Variants in SIM2 observed in about 807,000 individuals in gnomAD.
SIM2 encodes the protein single-minded homolog 2.
In SIM2, 28 loss-of-function variants were observed where a neutral mutation model predicts 64.8. That is an observed-to-expected ratio of 0.43 (90% confidence interval 0.32 to 0.59). The LOEUF (loss-of-function observed/expected upper bound fraction) is 0.59, where lower values mean the gene tolerates loss of function less well. SIM2 is among the 20% of genes least tolerant of loss of function. The pLI is 0.07. For synonymous variants in SIM2, 408 were observed against 391.1 expected (o/e 1.04, Z -0.51); for missense variants, 847 against 871.4 (o/e 0.97, Z 0.35).
rs1371676845 is a variant in SIM2, at chr21:36,726,544, T to C, written c.743+226T>C. ...TTATTGATTTACTTATTTTATTTAC[T>C]TATTGATTACTTATTTTATTTACTT... On this transcript the variant is annotated intron_variant, in intron 6 of 10. Coordinates refer to ENST00000290399, the MANE Select transcript of SIM2 (RefSeq NM_005069.6). This position sits in a 1 kb window ranked among gnomAD's most constrained non-coding sequence, Gnocchi z 4.5. Among the ~76,000 whole-genome samples the C allele has an allele frequency of 1.3e-5, 2 of 152,248 alleles. No individual in the cohort carries two copies. The highest frequency in any genetic ancestry group is 4.8e-5 in the African/African-American group (2 of 41,468).
chr21:36,702,736 C>A (rs1195855348), intron 1 of SIM2, among the ~76,000 whole-genome samples: 1 of 152,042 alleles, frequency 6.6e-6, no homozygotes, highest in African/African-American at 2.4e-5. Flanking sequence ...TCTGTCTGAG[C>A]TGCCAGGGTC....
intron 1 of SIM2, among the ~76,000 whole-genome samples, chr21:36,702,027 G>T (rs899647679): frequency 6.6e-6 from 1 of 152,226 alleles, no homozygotes; most frequent in African/African-American, 2.4e-5. Context: ...CGGCTGCTCA[G>T]AAGCTGTTCG....
At chr21:36,718,477 G>T (rs1203872826) in intron 3 of SIM2, among the ~76,000 whole-genome samples, 1 of 152,162 alleles carries the variant, frequency 6.6e-6, no homozygotes, top group Non-Finnish European at 1.5e-5. Flanking sequence ...TAACAAGGGG[G>T]TGGCTCGGGA....
At position 36,743,478 on chromosome 21, in the gene SIM2, C is replaced by A; in HGVS notation, c.1090C>A (p.Gln364Lys). ...DSWRTALSTS[Q>K]ETRKLVKPKN... is the part of the protein sequence containing the mutation. ...CTGGAGGACCGCCTTGTCTACCTCA[C>A]AAGAAACTAGGAAATTAGTGAAACC... The change falls in exon 9 of 11, where the codon CAA becomes AAA. Residue 364 changes from glutamine (Q) to lysine (K), a missense_variant. Gln to Lys is a moderately conservative substitution (Grantham distance 53, BLOSUM62 1). Transcript: ENST00000290399. 1 of 1,614,094 alleles carries A rather than the reference C, an allele frequency of 6.2e-7. No homozygotes were observed. Among genetic ancestry groups the A allele is most frequent in the Non-Finnish European group, 8.5e-7 (1 of 1,179,984 alleles).
intron 2 of SIM2, chr21:36,709,796 T>G (rs926378615): frequency 3.4e-5 from 8 of 233,860 alleles, no homozygotes; most frequent in African/African-American, 1.4e-4. Context: ...TAGAGTGGAT[T>G]CTGGTTTTTC....
In SIM2 at chr21:36,741,838, C is replaced by T. The variant is rs2089165301; in HGVS notation, c.972C>T (p.Cys324=). Residue 324 remains cysteine, a synonymous_variant, in exon 8 of 11, where the codon TGC becomes TGT. Transcript: ENST00000290399. ...VHNSRSSRPH[C]IVSVNYVLTE... ...ACAGCCGCTCGTCCCGGCCCCACTG[C>T]ATCGTGAGTGTCAATTATGTACTCA... 6.2e-7 allele frequency: 1 copy of T among 1,602,512 alleles called. No individual in the cohort carries two copies. The highest frequency in any genetic ancestry group is 8.5e-7 in the Non-Finnish European group (1 of 1,174,824).
In SIM2 at chr21:36,699,671, C is replaced by T; in HGVS notation, c.-76C>T. 1 of 1,525,474 alleles carries T rather than the reference C, an allele frequency of 6.6e-7. No homozygotes were observed. The allele number at this position is 1,525,474 out of a possible 1,614,324, so 94.5% of individuals were successfully genotyped here. On this transcript the variant is annotated 5_prime_UTR_variant, in exon 1 of 11. Transcript: ENST00000290399. The surrounding 1 kb of genome is among the most constrained non-coding windows in gnomAD (Gnocchi z 5.6). ...GGCTCCCGGCTCCCCCTTCCCCATC[C>T]CCGCCGCCGCAGCCCGAGCGGGGCT...
Position 36,724,125 on chromosome 21 carries a change from TC to T in SIM2, c.543+999del, listed in dbSNP as rs750009548. On this transcript the variant is annotated intron_variant, in intron 5 of 10. Coordinates refer to ENST00000290399, the MANE Select transcript of SIM2 (RefSeq NM_005069.6). ...TCTTTCTGGAAGGCCCCGCCCCAGC[TC>T]CCCTCTTTGACCCCACTCTGAGCTC... 4.1e-4 allele frequency among the ~76,000 whole-genome samples: 62 copies of T among 152,332 alleles called. 1 individual carries two copies. Among genetic ancestry groups the T allele is most frequent in the Non-Finnish European group, 7.1e-4 (48 of 68,032 alleles).
At chr21:36,735,823 C>T (rs1446851006) in intron 7 of SIM2, among the ~76,000 whole-genome samples, 2 of 152,078 alleles carry the variant, frequency 1.3e-5, no homozygotes, top group East Asian at 3.9e-4. Flanking sequence ...TTGGGGAGGA[C>T]AGGGGAGAAG....
chr21:36,719,963 T>A, intron 4 of SIM2, 34 bp downstream of exon 4: 1 of 1,374,190 alleles, frequency 7.3e-7, no homozygotes, highest in Non-Finnish European at 1.0e-6. Context: ...AAAAACAGAC[T>A]AAAAGCAAGG....
chr21:36,701,943 A>G (rs1157756227), intron 1 of SIM2, among the ~76,000 whole-genome samples: 1 of 152,170 alleles, frequency 6.6e-6, no homozygotes, highest in African/African-American at 2.4e-5. Context: ...CGAAGCAGCA[A>G]TCCAAAGATC....
intron 5 of SIM2, among the ~76,000 whole-genome samples, chr21:36,724,571 G>A (rs974169264): frequency 2.0e-5 from 3 of 152,198 alleles, no homozygotes; most frequent in African/African-American, 7.2e-5. Context: ...GAGCCACCGC[G>A]CCTGGATGGG....
intron 1 of SIM2, among the ~76,000 whole-genome samples, chr21:36,706,906 G>C (rs987713503): frequency 1.3e-5 from 2 of 152,252 alleles, no homozygotes; most frequent in Admixed American, 6.5e-5. Context: ...AACTGTGCGG[G>C]TATTTGAATC....
Position 36,699,839 on chromosome 21 carries a change from G to A in SIM2, c.93G>A (p.Ser31=), listed in dbSNP as rs749781705. ...YELAKLLPLP[S]AITSQLDKAS... ...TTGCCAAGCTGCTCCCGCTGCCGTCGGCCATCACTTCGCAGCTGGACAAAG... is the reference window on the plus strand; with the variant it reads ...TTGCCAAGCTGCTCCCGCTGCCGTCAGCCATCACTTCGCAGCTGGACAAAG... Residue 31 remains serine (S), a synonymous_variant, in exon 1 of 11, where the codon TCG becomes TCA. Coordinates refer to ENST00000290399, the MANE Select transcript of SIM2 (RefSeq NM_005069.6). The surrounding 1 kb of genome is among the most constrained non-coding windows in gnomAD (Gnocchi z 5.6). 10 of 1,610,976 alleles carry A rather than the reference G, an allele frequency of 6.2e-6. No individual in the cohort carries two copies. Among genetic ancestry groups the A allele is most frequent in the African/African-American group, 1.3e-5 (1 of 74,920 alleles).
chr21:36,718,684 C>A (rs2088778011), intron 3 of SIM2, among the ~76,000 whole-genome samples: 1 of 152,138 alleles, frequency 6.6e-6, no homozygotes. Context: ...TGCCCCTGGG[C>A]CTCCCCTGAA....
At position 36,716,850 on chromosome 21, in the gene SIM2, G is replaced by A. The variant is rs531953394; in HGVS notation, c.349-2971G>A. Among the ~76,000 whole-genome samples, 9 of 141,812 alleles carry A rather than the reference G, an allele frequency of 6.3e-5. No homozygotes were observed. The South Asian group carries it at 6.9e-4, about 11-fold the overall frequency. 93.0% of individuals were successfully genotyped at this position (141,812 alleles called of 152,430 possible). A position where few individuals can be genotyped will look rare whatever the true frequency, so the allele number is the denominator to read the frequency against. ...CATGAGACCCAGGGAGTTTTATAGC[G>A]ACAACCATAATTTTTTTTTTTTTTG... On this transcript the variant is annotated intron_variant, in intron 3 of 10. Transcript: ENST00000290399.
chr21:36,719,946 G>GAA lies in SIM2; in HGVS notation c.457+27_457+28dup, dbSNP rs145363163. On this transcript the variant is annotated intron_variant, in intron 4 of 10. Coordinates refer to ENST00000290399, the MANE Select transcript of SIM2 (RefSeq NM_005069.6). Reference sequence around the variant, plus strand: ...TGCTCCAAGGTATTCCATCCAGAGGGAAAAAAAAAAACAGACTAAAAGCAA... The same window carrying GAA: ...TGCTCCAAGGTATTCCATCCAGAGGGAAAAAAAAAAAAACAGACTAAAAGCAA... The GAA allele has an allele frequency of 6.2e-4, 775 of 1,246,364 alleles. No homozygotes were observed. Among genetic ancestry groups the GAA allele is most frequent in the African/African-American group, 4.0e-3 (261 of 64,688 alleles). The allele number at this position is 1,246,364 out of a possible 1,614,324, so 77.2% of individuals were successfully genotyped here.
At position 36,746,478 on chromosome 21, in the gene SIM2, C is replaced by T. The variant is rs1045071388; in HGVS notation, c.1577-1187C>T. Among the ~76,000 whole-genome samples the T allele has an allele frequency of 5.9e-5, 9 of 152,196 alleles. No homozygotes were observed. The East Asian group carries it at 1.7e-3, about 29-fold the overall frequency. On this transcript the variant is annotated intron_variant, in intron 10 of 10. Coordinates refer to ENST00000290399, the MANE Select transcript of SIM2 (RefSeq NM_005069.6). ...TGCTTTTTCTGCAAATCCTAGGAATCTCTTGCTCTGTATTGTGACTTGAGG... is the reference window on the plus strand; with the variant it reads ...TGCTTTTTCTGCAAATCCTAGGAATTTCTTGCTCTGTATTGTGACTTGAGG...
chr21:36,708,787 A>C (rs1463732718), intron 1 of SIM2, among the ~76,000 whole-genome samples: 1 of 152,242 alleles, frequency 6.6e-6, no homozygotes, highest in African/African-American at 2.4e-5. Flanking sequence ...TTTGCGGGTC[A>C]AATCGATATC....
Sources: gnomAD v4.1 joint callset for allele counts (sites outside exome capture counted in the v4.1 genomes callset) on GRCh38, gnomAD v4.1.1 for gene constraint, Gnocchi (gnomAD v3.1) non-coding constraint, MANE v1.5 for transcripts, NCBI Gene and HGNC (gene_info 2026-07-23, HGNC 2026-07-21) for gene names.